Variants in NRIP1 observed in about 807,000 individuals in gnomAD.
NRIP1 encodes nuclear receptor interacting protein 1, also known as nuclear receptor-interacting protein 1.
A neutral mutation model predicts 75.0 loss-of-function variants in NRIP1; 28 were observed. The ratio of observed to expected loss-of-function variants is 0.37; its 90% CI spans 0.28 to 0.51. The LOEUF (loss-of-function observed/expected upper bound fraction) is 0.51, where lower values mean the gene tolerates loss of function less well. NRIP1 is among the 20% of genes least tolerant of loss of function. The pLI, the probability that NRIP1 is intolerant of heterozygous loss-of-function variation, is 0.92. For synonymous variants in NRIP1, 526 were observed against 487.6 expected (o/e 1.08, Z -1.04); for missense variants, 1,435 against 1,343.7 (o/e 1.07, Z -1.06).
At position 14,966,723 on chromosome 21, in the gene NRIP1, A is replaced by C; in HGVS notation, c.1470T>G (p.Ser490=). ...TTACTTTCTGGTGTGAGTTTAGCTT[A>C]GAATTCTTTGAGGTATCTTGATCTT... is the stretch of plus-strand genomic sequence containing the variant. The part of the protein sequence containing the change: ...IKEDQDTSKN[S]KLNSHQKVTL... The change falls in exon 4 of 4, where the codon TCT becomes TCG. Residue 490 remains serine, a synonymous_variant. Coordinates refer to ENST00000318948, the MANE Select transcript of NRIP1 (RefSeq NM_003489.4). 2 of 1,614,052 alleles carry C rather than the reference A, an allele frequency of 1.2e-6. No homozygotes were observed. The highest frequency in any genetic ancestry group is 1.7e-6 in the Non-Finnish European group (2 of 1,180,004).
intron 3 of NRIP1, among the ~76,000 whole-genome samples, chr21:14,984,760 A>G (rs961962505): frequency 1.3e-5 from 2 of 152,202 alleles, no homozygotes. Context: ...AGAAATCATT[A>G]CAGAGACCCC....
intron 2 of NRIP1, among the ~76,000 whole-genome samples, chr21:15,020,388 A>G (rs2088344429): frequency 6.6e-6 from 1 of 152,218 alleles, no homozygotes; most frequent in African/African-American, 2.4e-5. Flanking sequence ...AGATATCCAT[A>G]TGTGAAAATA....
At chr21:14,998,739 T>C (rs1031616532) in intron 3 of NRIP1, among the ~76,000 whole-genome samples, 3 of 151,500 alleles carry the variant, frequency 2.0e-5, no homozygotes, top group African/African-American at 7.2e-5. Flanking sequence ...TTTCTCTTCC[T>C]TATAGTTTTC....
chr21:14,987,031 T>G lies in NRIP1; in HGVS notation c.-334-18505A>C, dbSNP rs2147049995. 1.3e-5 allele frequency among the ~76,000 whole-genome samples: 2 copies of G among 152,338 alleles called. 1 individual carries two copies. Among genetic ancestry groups the G allele is most frequent in the African/African-American group, 4.8e-5 (2 of 41,590 alleles). ...ATCCTGTCTGATGCTTAATCCCCTT[T>G]ATAACCCATTTGCTATCTCTGGATA... On this transcript the variant is annotated intron_variant, in intron 3 of 3. Coordinates refer to ENST00000318948, the MANE Select transcript of NRIP1 (RefSeq NM_003489.4).
At chr21:14,997,677 T>C (rs943077242) in intron 3 of NRIP1, among the ~76,000 whole-genome samples, 8 of 149,924 alleles carry the variant, frequency 5.3e-5, no homozygotes, top group Non-Finnish European at 8.9e-5. Flanking sequence ...ATCATTTATA[T>C]TATCCTTGAA....
In NRIP1 at chr21:14,962,114, T is replaced by G. The variant is rs913341536; in HGVS notation, c.*2602A>C. 1 of 150,210 alleles carries G rather than the reference T, an allele frequency of 6.7e-6. No individual in the cohort carries two copies. Among genetic ancestry groups the G allele is most frequent in the Non-Finnish European group, 1.5e-5 (1 of 67,410 alleles). The allele number at this position is 150,210 out of a possible 1,614,324, so 9.3% of individuals were successfully genotyped here. ...GAATAAACAGGTAATGAATGCTACC[T>G]TACTGATGTCAATAAGCTGTAGTAC... On this transcript the variant is annotated 3_prime_UTR_variant, in exon 4 of 4. Coordinates refer to ENST00000318948, the MANE Select transcript of NRIP1 (RefSeq NM_003489.4).
chr21:15,035,181 C>T (rs1278080310), intron 2 of NRIP1, among the ~76,000 whole-genome samples: 1 of 152,052 alleles, frequency 6.6e-6, no homozygotes, highest in Non-Finnish European at 1.5e-5. Flanking sequence ...GCTCTTAATG[C>T]CTACTCAAGA....
chr21:14,981,265 TTTTA>T (rs1165478315), intron 3 of NRIP1, among the ~76,000 whole-genome samples: 5 of 152,176 alleles, frequency 3.3e-5, no homozygotes, highest in African/African-American at 1.2e-4. Flanking sequence ...CTTTAAATGG[TTTTA>T]TTTATTTTTA....
At chr21:15,027,881 A>G (rs1466325878) in intron 2 of NRIP1, among the ~76,000 whole-genome samples, 2 of 152,190 alleles carry the variant, frequency 1.3e-5, no homozygotes, top group Non-Finnish European at 2.9e-5. Context: ...ATCCATTTTA[A>G]AGAGCAAAGT....
intron 1 of NRIP1, among the ~76,000 whole-genome samples, chr21:15,049,826 G>T (rs569921163): frequency 6.6e-6 from 1 of 151,972 alleles, no homozygotes; most frequent in Admixed American, 6.5e-5. Flanking sequence ...ATAGAGAAGG[G>T]CAAAACTTTT....
rs555854840 is a variant in NRIP1 at position 15,055,629 on chromosome 21, G to C, written c.-538+9116C>G. Among the ~76,000 whole-genome samples the C allele has an allele frequency of 1.2e-4, 19 of 152,174 alleles. 2 individuals are homozygous for C. In the South Asian group the frequency reaches 3.9e-3, roughly 32 times the overall value. Reference sequence around the variant, plus strand: ...GGGGTTAGCTTGGATTTTACTGCGGGATCCATCACCAAAGGTTATTAACTA... The same window carrying C: ...GGGGTTAGCTTGGATTTTACTGCGGCATCCATCACCAAAGGTTATTAACTA... On this transcript the variant is annotated intron_variant, in intron 1 of 3. Transcript: ENST00000318948.
intron 3 of NRIP1, among the ~76,000 whole-genome samples, chr21:14,998,077 T>C (rs978218270): frequency 1.3e-5 from 2 of 152,204 alleles, no homozygotes; most frequent in Non-Finnish European, 1.5e-5. Context: ...GCTTCTCCAG[T>C]ATCTCTGTGT....
At chr21:15,059,648 A>C (rs552868723) in intron 1 of NRIP1, among the ~76,000 whole-genome samples, 2 of 152,274 alleles carry the variant, frequency 1.3e-5, no homozygotes, top group East Asian at 3.9e-4. Context: ...AACCAAAAAA[A>C]GAATCACAGG....
At chr21:15,045,513 G>A (rs905433441) in intron 1 of NRIP1, among the ~76,000 whole-genome samples, 1 of 152,194 alleles carries the variant, frequency 6.6e-6, no homozygotes, top group African/African-American at 2.4e-5. Flanking sequence ...TGAATCTTTA[G>A]AGAGTTTTAC....
chr21:14,964,845 A>C lies in NRIP1; in HGVS notation c.3348T>G (p.Ala1116=). 6.2e-7 allele frequency: 1 copy of C among 1,613,558 alleles called. No homozygotes were observed. ...EELLPTAETK[A]SFFNLRSPYN... ...AAGGGCTTCTTAAATTAAAGAAAGA[A>C]GCTTTCGTTTCTGCAGTAGGAAGTA... Residue 1116 remains alanine, a synonymous_variant, in exon 4 of 4, where the codon GCT becomes GCG. Coordinates refer to ENST00000318948, the MANE Select transcript of NRIP1 (RefSeq NM_003489.4).
At chr21:15,037,314 A>G (rs1460865222) in intron 2 of NRIP1, among the ~76,000 whole-genome samples, 2 of 152,224 alleles carry the variant, frequency 1.3e-5, no homozygotes, top group Non-Finnish European at 2.9e-5. Context: ...TGCGTAATAT[A>G]ACAAAGATGA....
rs1331089234 is a variant in NRIP1, at chr21:14,965,654, G to A, written c.2539C>T (p.Leu847=). Residue 847 remains leucine, a synonymous_variant, in exon 4 of 4, where the codon CTA becomes TTA. Coordinates refer to ENST00000318948, the MANE Select transcript of NRIP1 (RefSeq NM_003489.4). The part of the protein sequence containing the change: ...RSHRNNEMAL[L]ESKNLCMVPK... ...ACCATGCAAAGATTCTTTGATTCTA[G>A]AAGTGCCATTTCATTATTTCTGTGA... is the stretch of plus-strand genomic sequence containing the variant. 1.9e-6 allele frequency: 3 copies of A among 1,613,174 alleles called. No homozygotes were observed. The highest frequency in any genetic ancestry group is 1.7e-5 in the Admixed American group (1 of 59,908).
chr21:15,021,899 C>T (rs980310995), intron 2 of NRIP1, among the ~76,000 whole-genome samples: 1 of 152,124 alleles, frequency 6.6e-6, no homozygotes, highest in African/African-American at 2.4e-5. Flanking sequence ...ACAACAGATG[C>T]TGGCAAGGTT....
intron 2 of NRIP1, among the ~76,000 whole-genome samples, chr21:15,029,825 C>CAAAT (rs10549533): frequency 2.0e-4 from 30 of 150,834 alleles, no homozygotes; most frequent in Non-Finnish European, 2.4e-4. Flanking sequence ...TAAAGGAAAA[C>CAAAT]AAATAAATAA....
Sources: gnomAD v4.1 joint callset for allele counts (sites outside exome capture counted in the v4.1 genomes callset) on GRCh38, gnomAD v4.1.1 for gene constraint, MANE v1.5 for transcripts, NCBI Gene and HGNC (gene_info 2026-07-23, HGNC 2026-07-21) for gene names.